Variants in WWOX observed in about 807,000 individuals in gnomAD.
The protein encoded by WWOX is WW domain containing oxidoreductase.
WWOX carries 69 observed loss-of-function variants against 46.2 expected under a neutral mutation model. The observed-to-expected ratio is 1.49, with a 90% CI of 1.23 to 1.82. The LOEUF (loss-of-function observed/expected upper bound fraction) is 1.82, where lower values mean the gene tolerates loss of function less well. Ranked by LOEUF, WWOX falls within the 40% of genes most tolerant of loss-of-function variation. The probability of loss-of-function intolerance (pLI) is 0.00; values close to 1 mark genes in which losing one functional copy is unlikely to be tolerated. For missense variants in WWOX, 919 were observed against 542.6 expected (o/e 1.69, Z -6.89); for synonymous variants, 359 against 202.6 (o/e 1.77, Z -6.56).
intron 8 of WWOX, among the ~76,000 whole-genome samples, chr16:78,454,525 G>C (rs2083770852): frequency 6.6e-6 from 1 of 152,016 alleles, no homozygotes; most frequent in Non-Finnish European, 1.5e-5. Flanking sequence ...TTGTTTTTGA[G>C]ACAGAATTTC....
At chr16:78,732,981 C>A (rs182730689) in intron 8 of WWOX, among the ~76,000 whole-genome samples, 1 of 152,116 alleles carries the variant, frequency 6.6e-6, no homozygotes, top group Non-Finnish European at 1.5e-5. Flanking sequence ...ATTTCCTTCT[C>A]GTCTTTTCTT....
intron 8 of WWOX, among the ~76,000 whole-genome samples, chr16:78,646,809 C>A (rs1369552812): frequency 6.6e-6 from 1 of 152,128 alleles, no homozygotes; most frequent in Non-Finnish European, 1.5e-5. Context: ...AGGGACCATG[C>A]CTAGAATCGC....
chr16:78,910,821 C>G (rs535448453), intron 8 of WWOX, among the ~76,000 whole-genome samples: 59 of 151,970 alleles, frequency 3.9e-4, no homozygotes, highest in Admixed American at 6.6e-4. Flanking sequence ...CTCACCGGGT[C>G]CCTCCCATGA....
intron 8 of WWOX, among the ~76,000 whole-genome samples, chr16:78,577,185 C>T (rs560006452): frequency 2.1e-4 from 32 of 152,320 alleles, no homozygotes; most frequent in South Asian, 6.2e-4. Flanking sequence ...TGGCTAAAGT[C>T]AGTTACATAA....
At chr16:78,413,390 G>C (rs182255308) in intron 6 of WWOX, among the ~76,000 whole-genome samples, 4 of 152,200 alleles carry the variant, frequency 2.6e-5, no homozygotes, top group Non-Finnish European at 5.9e-5. Context: ...AGGGTGATGG[G>C]ATTGTCATTA....
intron 8 of WWOX, among the ~76,000 whole-genome samples, chr16:79,036,672 G>A (rs1028150884): frequency 6.6e-6 from 1 of 152,332 alleles, no homozygotes; most frequent in Non-Finnish European, 1.5e-5. Flanking sequence ...GAAGGACTGT[G>A]AGGCTGTACC....
chr16:78,431,633 C>T, intron 7 of WWOX, among the ~76,000 whole-genome samples: 1 of 150,386 alleles, frequency 6.6e-6, no homozygotes, highest in East Asian at 1.9e-4. Context: ...TTCAGTATGT[C>T]AGGACTGCTA....
chr16:78,910,244 T>G (rs945976059), intron 8 of WWOX, among the ~76,000 whole-genome samples: 2 of 152,232 alleles, frequency 1.3e-5, no homozygotes, highest in Middle Eastern at 6.8e-3. Flanking sequence ...TACAAGCCAG[T>G]GCAGGTGGAT....
At chr16:78,934,507 T>TC (rs1491230293) in intron 8 of WWOX, among the ~76,000 whole-genome samples, 2 of 39,378 alleles carry the variant, frequency 5.1e-5, no homozygotes, top group East Asian at 1.4e-3. Context: ...AAACCCTGTA[T>TC]CAAAAAAAAA....
chr16:78,398,712 A>G (rs115669254), intron 6 of WWOX, among the ~76,000 whole-genome samples: 314 of 152,318 alleles, frequency 2.1e-3, no homozygotes, highest in African/African-American at 7.1e-3. Context: ...ACTTATTAAG[A>G]TGGTGACGCT....
rs191559711 is a variant in WWOX, at chr16:78,849,412, A to T, written c.1057-362196A>T. ...CGGTGAAACCCCATCTCTATTAAAAATACAAAAAAAAATTAGCCAGGCCTG... is the reference window on the plus strand; with the variant it reads ...CGGTGAAACCCCATCTCTATTAAAATTACAAAAAAAAATTAGCCAGGCCTG... On this transcript the variant is annotated intron_variant, in intron 8 of 8. Transcript: ENST00000566780. Among the ~76,000 whole-genome samples, 60 of 151,924 alleles carry T rather than the reference A, an allele frequency of 3.9e-4. 2 individuals are homozygous for T. The East Asian group carries it at 0.012, about 29-fold the overall frequency.
At chr16:78,679,556 A>G (rs570876768) in intron 8 of WWOX, among the ~76,000 whole-genome samples, 9 of 152,208 alleles carry the variant, frequency 5.9e-5, no homozygotes, top group East Asian at 1.9e-4. Flanking sequence ...ATCTCAAAAC[A>G]TAAGTAAATA....
intron 8 of WWOX, among the ~76,000 whole-genome samples, chr16:78,468,429 C>T (rs569624335): frequency 2.5e-4 from 38 of 152,204 alleles, no homozygotes; most frequent in African/African-American, 9.2e-4. Flanking sequence ...GGAACACCAC[C>T]TATCAGAGTT....
chr16:78,786,167 C>T (rs149388103), intron 8 of WWOX, among the ~76,000 whole-genome samples: 1 of 152,338 alleles, frequency 6.6e-6, no homozygotes, highest in African/African-American at 2.4e-5. Flanking sequence ...GTCTCCGCCT[C>T]CCAAAGTGCT....
intron 8 of WWOX, among the ~76,000 whole-genome samples, chr16:78,679,763 C>T (rs118086388): frequency 0.012 from 1,853 of 152,298 alleles, 18 homozygotes; most frequent in South Asian, 0.04. Context: ...GTCCAAACAT[C>T]TTCTCATTGA....
intron 8 of WWOX, among the ~76,000 whole-genome samples, chr16:78,954,166 C>G (rs530753848): frequency 1.3e-5 from 2 of 152,058 alleles, no homozygotes; most frequent in Non-Finnish European, 2.9e-5. Context: ...GGCATGATTG[C>G]ATATTCTTTA....
intron 5 of WWOX, among the ~76,000 whole-genome samples, chr16:78,230,269 A>G (rs2037213795): frequency 6.6e-6 from 1 of 152,220 alleles, no homozygotes; most frequent in Admixed American, 6.5e-5. Context: ...AGTCACAAAC[A>G]GTGAGAATAG....
chr16:78,906,826 A>T (rs2044977649), intron 8 of WWOX, among the ~76,000 whole-genome samples: 1 of 152,202 alleles, frequency 6.6e-6, no homozygotes, highest in Non-Finnish European at 1.5e-5. Flanking sequence ...TTTGCTCTAA[A>T]CCAGCAGTAG....
chr16:78,254,860 C>G (rs554551680), intron 5 of WWOX, among the ~76,000 whole-genome samples: 141 of 152,264 alleles, frequency 9.3e-4, no homozygotes, highest in Non-Finnish European at 1.8e-3. Context: ...TCTTGGGGCT[C>G]TGATATGCAC....
Sources: allele counts gnomAD v4.1 joint callset (sites outside exome capture counted in the v4.1 genomes callset), GRCh38; gene constraint gnomAD v4.1.1; transcripts MANE v1.5; gene names NCBI Gene and HGNC (gene_info 2026-07-23, HGNC 2026-07-21).